The following SARDH variants were observed in gnomAD, a reference collection of about 807,000 sequenced individuals.
The protein encoded by SARDH is sarcosine dehydrogenase, mitochondrial.
Under a neutral mutation model 109.1 loss-of-function variants are expected in SARDH, and 95 were observed. The observed-to-expected ratio is 0.87, with a 90% CI of 0.74 to 1.03. The LOEUF (loss-of-function observed/expected upper bound fraction) is 1.03, where lower values mean the gene tolerates loss of function less well. Among genes scored for constraint, SARDH ranks in the 50% least tolerant of loss-of-function variants. SARDH has a pLI of 0.00. For synonymous variants in SARDH, 572 were observed against 534.8 expected (o/e 1.07, Z -0.96); for missense variants, 1,267 against 1,287.8 (o/e 0.98, Z 0.25).
chr9:133,665,220 G>A lies in SARDH; in HGVS notation c.2632-1206C>T, dbSNP rs75737448. Among the ~76,000 whole-genome samples, 919 of 151,944 alleles carry A rather than the reference G, an allele frequency of 6.0e-3. 8 individuals carry two copies. The highest frequency in any genetic ancestry group is 0.021 in the African/African-American group (865 of 41,376). On this transcript the variant is annotated intron_variant, in intron 20 of 20. Transcript: ENST00000439388. Reference sequence around the variant, plus strand: ...GGATGCCGTTTAACCTCGGAACCTCGGCTTCCCTGGTCACGTTGGTTATGG... The same window carrying A: ...GGATGCCGTTTAACCTCGGAACCTCAGCTTCCCTGGTCACGTTGGTTATGG...
rs573230585 is a variant in SARDH at position 133,717,921 on chromosome 9, C to G, written c.1021-466G>C. On this transcript the variant is annotated intron_variant, in intron 7 of 20. Transcript: ENST00000439388. ...GGCACGCTGGTTTGTTGTCGCGGTGCAGGGCTCTGCTTGGATGTCCCCTCC... is the reference window on the plus strand; with the variant it reads ...GGCACGCTGGTTTGTTGTCGCGGTGGAGGGCTCTGCTTGGATGTCCCCTCC... Among the ~76,000 whole-genome samples the G allele has an allele frequency of 4.3e-4, 65 of 152,160 alleles. No individual in the cohort carries two copies. In the South Asian group the frequency reaches 7.3e-3, roughly 17 times the overall value.
chr9:133,690,448 C>G lies in SARDH; in HGVS notation c.2001G>C (p.Gln667His). Residue 667 changes from glutamine to histidine, a missense_variant, in exon 16 of 21, where the codon CAG (glutamine) becomes CAC (histidine). Transcript: ENST00000439388. Reference protein sequence around the residue: ...WSHITTVLQDQKSQCQLIDSS... With the variant: ...WSHITTVLQDHKSQCQLIDSS... ...TGTCGATGAGCTGGCACTGGGACTT[C>G]TGGTCCTGCAGCACGGTGGTGATGT... The G allele has an allele frequency of 1.2e-6, 2 of 1,613,146 alleles. No homozygotes were observed. The highest frequency in any genetic ancestry group is 1.7e-6 in the Non-Finnish European group (2 of 1,179,936).
chr9:133,669,862 C>G (rs572487334), intron 19 of SARDH, among the ~76,000 whole-genome samples: 3 of 152,328 alleles, frequency 2.0e-5, no homozygotes, highest in African/African-American at 7.2e-5. Flanking sequence ...GTCAGGCTCC[C>G]TGGGTTCACC....
chr9:133,738,021 G>A (rs1164029237), intron 1 of SARDH, among the ~76,000 whole-genome samples: 4 of 152,198 alleles, frequency 2.6e-5, no homozygotes, highest in African/African-American at 7.2e-5. Flanking sequence ...GGGGTCAAGC[G>A]AGGAGAGCGC....
chr9:133,700,427 C>G (rs1831438980), intron 13 of SARDH, among the ~76,000 whole-genome samples: 1 of 152,034 alleles, frequency 6.6e-6, no homozygotes, highest in African/African-American at 2.4e-5. Flanking sequence ...GAATATCACG[C>G]TAAGTGGAAG....
chr9:133,660,268 T>G (rs866145992), downstream of SARDH, among the ~76,000 whole-genome samples: 6 of 152,082 alleles, frequency 3.9e-5, no homozygotes, highest in Non-Finnish European at 8.8e-5. Flanking sequence ...CCATGTAGTT[T>G]CTGTTTCCAT....
intron 17 of SARDH, among the ~76,000 whole-genome samples, chr9:133,684,021 T>C (rs1216349041): frequency 1.3e-5 from 2 of 151,638 alleles, no homozygotes; most frequent in Non-Finnish European, 2.9e-5. Context: ...CTGGGTAACA[T>C]CCGTCATGCA....
chr9:133,729,920 C>T (rs1189046361), intron 5 of SARDH, 55 bp from the exon 6 acceptor site: 1 of 1,599,468 alleles, frequency 6.3e-7, no homozygotes, highest in African/African-American at 1.3e-5. Context: ...GGAGCTGCCT[C>T]TCAGGTGTGC....
At chr9:133,738,953 A>C (rs910364808), upstream of SARDH, among the ~76,000 whole-genome samples, 4 of 152,216 alleles carry the variant, frequency 2.6e-5, no homozygotes, top group African/African-American at 4.8e-5. Flanking sequence ...ACTGCACAGC[A>C]CGTAGCCCCC....
At chr9:133,662,099 G>A (rs993717629), downstream of SARDH, among the ~76,000 whole-genome samples, 9 of 151,798 alleles carry the variant, frequency 5.9e-5, no homozygotes, top group Admixed American at 5.2e-4. The surrounding 1 kb of genome is among the most constrained non-coding windows in gnomAD (Gnocchi z 5.1). Context: ...CCCTCCCCGA[G>A]GGGCCAGGTT....
intron 14 of SARDH, among the ~76,000 whole-genome samples, chr9:133,695,578 T>A (rs1166241660): frequency 6.6e-6 from 1 of 151,806 alleles, no homozygotes; most frequent in Non-Finnish European, 1.5e-5. Flanking sequence ...CAAGGAAGGG[T>A]CCTCTGCAGA....
At chr9:133,720,483 G>A (rs531985944) in intron 6 of SARDH, among the ~76,000 whole-genome samples, 4 of 152,328 alleles carry the variant, frequency 2.6e-5, no homozygotes, top group African/African-American at 4.8e-5. Context: ...AGAAGATGGT[G>A]TATTAGTGTG....
chr9:133,725,940 G>C (rs1832474593), intron 6 of SARDH, among the ~76,000 whole-genome samples: 1 of 152,182 alleles, frequency 6.6e-6, no homozygotes, highest in African/African-American at 2.4e-5. Flanking sequence ...GATGTGCAGA[G>C]ACCAGAAGGG....
intron 19 of SARDH, among the ~76,000 whole-genome samples, chr9:133,668,321 C>T (rs10993957): frequency 0.45 from 51,270 of 114,770 alleles, 12,993 homozygotes; most frequent in East Asian, 0.77. Flanking sequence ...CTCCCCCACC[C>T]TCCCTCTCCC....
At position 133,686,443 on chromosome 9, in the gene SARDH, C is replaced by T. The variant is rs1002752368; in HGVS notation, c.2070-1157G>A. ...CTCCCCCAGGAAGCCCTCCCTGACT[C>T]CCTAGGTCTTGGGCAGGTACTCGTT... On this transcript the variant is annotated intron_variant, in intron 16 of 20. Coordinates refer to ENST00000439388, the MANE Select transcript of SARDH (RefSeq NM_001134707.2). The surrounding 1 kb of genome is among the most constrained non-coding windows in gnomAD (Gnocchi z 4.0). Among the ~76,000 whole-genome samples, 9 of 152,136 alleles carry T rather than the reference C, an allele frequency of 5.9e-5. No homozygotes were observed. The highest frequency in any genetic ancestry group is 1.0e-4 in the Non-Finnish European group (7 of 68,008).
intron 6 of SARDH, among the ~76,000 whole-genome samples, chr9:133,719,581 G>A (rs1832250243): frequency 6.6e-6 from 1 of 152,156 alleles, no homozygotes; most frequent in African/African-American, 2.4e-5. Context: ...TTCCTCTGGA[G>A]AGGTGGGTCC....
rs1190957632 is a variant in SARDH at position 133,666,954 on chromosome 9, G to T, written c.2496-84C>A. On this transcript the variant is annotated intron_variant, in intron 19 of 20. Coordinates refer to ENST00000439388, the MANE Select transcript of SARDH (RefSeq NM_001134707.2). This position sits in a 1 kb window ranked among gnomAD's most constrained non-coding sequence, Gnocchi z 5.2. ...ACAGCGGCCTGGAGGAGAATGGGGGGCTGCATGATGCACACCCAACCGTGG... is the reference window on the plus strand; with the variant it reads ...ACAGCGGCCTGGAGGAGAATGGGGGTCTGCATGATGCACACCCAACCGTGG... The T allele has an allele frequency of 3.9e-6, 6 of 1,547,660 alleles. No individual in the cohort carries two copies. The highest frequency in any genetic ancestry group is 5.3e-6 in the Non-Finnish European group (6 of 1,137,304).
chr9:133,689,558 T>A (rs1352232330), intron 16 of SARDH, among the ~76,000 whole-genome samples: 2 of 152,204 alleles, frequency 1.3e-5, no homozygotes, highest in African/African-American at 4.8e-5. Flanking sequence ...TGACCAGCTG[T>A]GTGACCTTGG....
In SARDH at chr9:133,671,529, A is replaced by G. The variant is rs755361030; in HGVS notation, c.2326+6T>C. ...CCGCCCCGTGCTGTCCAGACCCTGC[A>G]CTCACCTTTCTCAATGCTCAGGGAG... On this transcript the variant is annotated splice_donor_region_variant and intron_variant, in intron 18 of 20. Transcript: ENST00000439388. 1.6e-5 allele frequency: 25 copies of G among 1,600,978 alleles called. No individual in the cohort carries two copies. The South Asian group carries it at 2.7e-4, about 17-fold the overall frequency.
Sources: allele counts gnomAD v4.1 joint callset (sites outside exome capture counted in the v4.1 genomes callset), GRCh38; gene constraint gnomAD v4.1.1; non-coding constraint Gnocchi (gnomAD v3.1); transcripts MANE v1.5; gene names NCBI Gene and HGNC (gene_info 2026-07-23, HGNC 2026-07-21).